The following NCOA6 variants were observed in gnomAD, a reference collection of about 807,000 sequenced individuals.
The protein encoded by NCOA6 is NRC RAP250.
NCOA6 carries 49 observed loss-of-function variants against 171.4 expected under a neutral mutation model. That is an observed-to-expected ratio of 0.29 (90% CI 0.23 to 0.36). The LOEUF is 0.36. Among genes scored for constraint, NCOA6 ranks in the 10% least tolerant of loss-of-function variants. The pLI, the probability that NCOA6 is intolerant of heterozygous loss-of-function variation, is 1.00. For missense variants in NCOA6, 2,248 were observed against 2,554.5 expected, an observed-to-expected ratio of 0.88 and a Z score of 2.59; for synonymous variants, 910 against 927.5, an observed-to-expected ratio of 0.98 and a Z score of 0.34.
intron 1 of NCOA6, among the ~76,000 whole-genome samples, chr20:34,807,863 T>C (rs1240249457): frequency 6.8e-6 from 1 of 146,872 alleles, no homozygotes; most frequent in African/African-American, 2.5e-5. Flanking sequence ...AAACAGTATC[T>C]TGCTGGCGGG....
At chr20:34,717,614 T>C (rs1315649302) in intron 14 of NCOA6, among the ~76,000 whole-genome samples, 1 of 152,190 alleles carries the variant, frequency 6.6e-6, no homozygotes, top group African/African-American at 2.4e-5. Flanking sequence ...GTCTTTCTGA[T>C]TTACTCATTA....
intron 1 of NCOA6, among the ~76,000 whole-genome samples, chr20:34,795,109 A>G (rs1044775057): frequency 2.0e-4 from 30 of 152,198 alleles, no homozygotes; most frequent in African/African-American, 7.0e-4. Flanking sequence ...AGAAGCAAAG[A>G]AAGAATTTCA....
intron 5 of NCOA6, among the ~76,000 whole-genome samples, chr20:34,760,516 T>G (rs1203757214): frequency 1.3e-5 from 2 of 152,224 alleles, no homozygotes; most frequent in African/African-American, 4.8e-5. Flanking sequence ...TCAAAATGAG[T>G]TGGAAAGCAT....
chr20:34,771,009 C>A (rs531459999), intron 4 of NCOA6, among the ~76,000 whole-genome samples: 126 of 152,158 alleles, frequency 8.3e-4, no homozygotes, highest in Admixed American at 1.6e-3. Context: ...TAATATGAGC[C>A]ACATATGCAA....
chr20:34,715,747 A>T (rs1452136988), intron 14 of NCOA6, among the ~76,000 whole-genome samples: 1 of 152,246 alleles, frequency 6.6e-6, no homozygotes, highest in African/African-American at 2.4e-5. Context: ...TAATGCCATA[A>T]GCAAATGAGT....
At chr20:34,814,668 C>T (rs540344685) in intron 1 of NCOA6, among the ~76,000 whole-genome samples, 3 of 152,162 alleles carry the variant, frequency 2.0e-5, no homozygotes, top group Admixed American at 1.3e-4. Context: ...CTTGGCTCAC[C>T]GCAACCTCTG....
At chr20:34,717,234 T>C (rs1318549897) in intron 14 of NCOA6, among the ~76,000 whole-genome samples, 1 of 152,188 alleles carries the variant, frequency 6.6e-6, no homozygotes, top group Non-Finnish European at 1.5e-5. Context: ...GTGGATCACC[T>C]GAGGTCAAGA....
chr20:34,770,873 G>A (rs770293387), intron 4 of NCOA6, among the ~76,000 whole-genome samples: 6 of 151,898 alleles, frequency 4.0e-5, no homozygotes, highest in African/African-American at 9.7e-5. Context: ...CAGACAATCC[G>A]CCTGTCTTGG....
At chr20:34,754,462 C>T (rs987933289) in intron 8 of NCOA6, among the ~76,000 whole-genome samples, 1 of 152,114 alleles carries the variant, frequency 6.6e-6, no homozygotes, top group East Asian at 1.9e-4. Flanking sequence ...TACTATCTGC[C>T]CCTTCAGAGA....
chr20:34,810,619 A>G (rs920902982), intron 1 of NCOA6, among the ~76,000 whole-genome samples: 6 of 151,498 alleles, frequency 4.0e-5, no homozygotes, highest in African/African-American at 1.5e-4. Flanking sequence ...GCAGTGGTGC[A>G]ATCTCGGCTC....
chr20:34,806,569 G>C (rs544552186), intron 1 of NCOA6, among the ~76,000 whole-genome samples: 1 of 152,264 alleles, frequency 6.6e-6, no homozygotes, highest in East Asian at 1.9e-4. Flanking sequence ...CTCATTTTGA[G>C]TTGATTTTTG....
chr20:34,781,183 A>G, intron 3 of NCOA6, among the ~76,000 whole-genome samples: 1 of 152,196 alleles, frequency 6.6e-6, no homozygotes, highest in East Asian at 1.9e-4. Context: ...CACAGTGAAA[A>G]GCAGTTGAAA....
chr20:34,799,148 A>G (rs1057034134), intron 1 of NCOA6, among the ~76,000 whole-genome samples: 2 of 152,168 alleles, frequency 1.3e-5, no homozygotes, highest in African/African-American at 4.8e-5. Flanking sequence ...AAAGGGACTG[A>G]AATAATTAAA....
At chr20:34,794,087 T>C (rs2146357503) in intron 1 of NCOA6, among the ~76,000 whole-genome samples, 1 of 152,336 alleles carries the variant, frequency 6.6e-6, no homozygotes, top group Middle Eastern at 3.4e-3. Context: ...CTGGCGGTAG[T>C]GCAAATTGGT....
At chr20:34,798,147 C>T (rs544299068) in intron 1 of NCOA6, among the ~76,000 whole-genome samples, 11 of 152,306 alleles carry the variant, frequency 7.2e-5, no homozygotes, top group African/African-American at 2.4e-4. Context: ...CAAGAGCCTT[C>T]GGGCCTTGAG....
intron 1 of NCOA6, chr20:34,821,657 G>C (rs1429202922): frequency 6.7e-6 from 1 of 149,926 alleles, no homozygotes; most frequent in Non-Finnish European, 1.5e-5. Flanking sequence ...GTGCGATCTC[G>C]GCTCACTGCA....
intron 11 of NCOA6, chr20:34,738,889 C>A (rs1477543168): frequency 2.2e-6 from 1 of 456,040 alleles, no homozygotes; most frequent in Admixed American, 2.3e-5. Context: ...TGCCTCTCCT[C>A]CTGGGTGCTT....
chr20:34,717,892 T>A (rs1018671136), intron 14 of NCOA6, among the ~76,000 whole-genome samples: 1 of 152,198 alleles, frequency 6.6e-6, no homozygotes, highest in African/African-American at 2.4e-5. Context: ...TGTTGTGATA[T>A]GAAGGATCAA....
At chr20:34,822,991 C>G (rs1022706798) in intron 1 of NCOA6, among the ~76,000 whole-genome samples, 1 of 152,114 alleles carries the variant, frequency 6.6e-6, no homozygotes, top group Non-Finnish European at 1.5e-5. Context: ...CTTGAAGTAG[C>G]CTTTATGCGC....
Sources: gnomAD v4.1 joint callset for allele counts (sites outside exome capture counted in the v4.1 genomes callset) on GRCh38, gnomAD v4.1.1 for gene constraint, MANE v1.5 for transcripts, NCBI Gene and HGNC (gene_info 2026-07-23, HGNC 2026-07-21) for gene names.